Variants in MAML2 observed in about 807,000 individuals in gnomAD.
MAML2 encodes mastermind like transcriptional coactivator 2.
MAML2 carries 22 observed loss-of-function variants against 96.1 expected under a neutral mutation model. That is an observed-to-expected ratio of 0.23 (90% CI 0.16 to 0.33). MAML2 has a LOEUF of 0.33. Among genes scored for constraint, MAML2 ranks in the 10% least tolerant of loss-of-function variants. MAML2 has a pLI of 1.00. For synonymous variants in MAML2, 561 were observed against 521.3 expected, an observed-to-expected ratio of 1.08 and a Z score of -1.04; for missense variants, 1,367 against 1,392.4, an observed-to-expected ratio of 0.98 and a Z score of 0.29.
At chr11:96,318,124 C>G (rs755952185) in intron 1 of MAML2, among the ~76,000 whole-genome samples, 5 of 152,116 alleles carry the variant, frequency 3.3e-5, no homozygotes, top group Admixed American at 1.3e-4. Flanking sequence ...AGTCAGTACA[C>G]AGATGTGGTT....
intron 1 of MAML2, among the ~76,000 whole-genome samples, chr11:96,111,671 G>C (rs1376038122): frequency 6.6e-6 from 1 of 152,204 alleles, no homozygotes; most frequent in Non-Finnish European, 1.5e-5. Flanking sequence ...CTAGGTGCTT[G>C]ACAGTGACAT....
At chr11:96,044,220 G>A (rs997902519) in intron 2 of MAML2, among the ~76,000 whole-genome samples, 1 of 152,226 alleles carries the variant, frequency 6.6e-6, no homozygotes, top group African/African-American at 2.4e-5. Flanking sequence ...CAAGAGGGAG[G>A]CGTGCCTGGA....
intron 2 of MAML2, among the ~76,000 whole-genome samples, chr11:96,060,581 A>G (rs1859141647): frequency 6.6e-6 from 1 of 152,218 alleles, no homozygotes; most frequent in South Asian, 2.1e-4. Context: ...CTAAATGAAA[A>G]GACCTAATGA....
At chr11:95,999,019 C>T (rs1390658993) in intron 2 of MAML2, among the ~76,000 whole-genome samples, 5 of 152,098 alleles carry the variant, frequency 3.3e-5, no homozygotes, top group Non-Finnish European at 7.4e-5. Context: ...AATTACCTGT[C>T]CTCTGTGTTA....
intron 1 of MAML2, among the ~76,000 whole-genome samples, chr11:96,239,893 A>C (rs1383084033): frequency 1.3e-5 from 2 of 152,186 alleles, no homozygotes; most frequent in African/African-American, 2.4e-5. Context: ...ATGTCTTCTT[A>C]ACATTTCTGA....
At position 96,227,866 on chromosome 11, in the gene MAML2, C is replaced by A. The variant is rs1444208277; in HGVS notation, c.513+113517G>T. 2.0e-5 allele frequency among the ~76,000 whole-genome samples: 3 copies of A among 152,146 alleles called. No individual in the cohort carries two copies. The South Asian group carries it at 6.2e-4, about 32-fold the overall frequency. On this transcript the variant is annotated intron_variant, in intron 1 of 4. Transcript: ENST00000524717. ...CCCGTAATCCCAGCATTTTGGGAGG[C>A]CAAGGCAAGCAGATCGCTTCAGCCC...
intron 1 of MAML2, among the ~76,000 whole-genome samples, chr11:96,310,856 G>T (rs73531150): frequency 0.17 from 25,892 of 152,184 alleles, 2,634 homozygotes; most frequent in East Asian, 0.29. Context: ...GTGAATGCAT[G>T]GGACTCTTCT....
At chr11:96,150,255 A>G (rs1327156612) in intron 1 of MAML2, among the ~76,000 whole-genome samples, 1 of 152,246 alleles carries the variant, frequency 6.6e-6, no homozygotes, top group African/African-American at 2.4e-5. Context: ...GCTGAAAAAG[A>G]TAATCCCTGC....
chr11:96,103,572 A>G (rs1322843630), intron 1 of MAML2, among the ~76,000 whole-genome samples: 1 of 152,200 alleles, frequency 6.6e-6, no homozygotes, highest in Non-Finnish European at 1.5e-5. Context: ...GGGAAATAAT[A>G]TGAAACACAG....
At chr11:96,186,043 G>T (rs1861570714) in intron 1 of MAML2, among the ~76,000 whole-genome samples, 1 of 152,150 alleles carries the variant, frequency 6.6e-6, no homozygotes, top group Non-Finnish European at 1.5e-5. Context: ...ACACCTTACA[G>T]TTTGAGGACC....
At chr11:96,176,992 A>T (rs916616940) in intron 1 of MAML2, among the ~76,000 whole-genome samples, 1 of 152,244 alleles carries the variant, frequency 6.6e-6, no homozygotes, top group Non-Finnish European at 1.5e-5. Flanking sequence ...CCTTTGTAGG[A>T]CTTAGGGTCT....
intron 1 of MAML2, among the ~76,000 whole-genome samples, chr11:96,126,845 G>A (rs1438345868): frequency 1.3e-5 from 2 of 152,192 alleles, no homozygotes; most frequent in Admixed American, 1.3e-4. Flanking sequence ...GGATATAGTG[G>A]TGAACAACAC....
intron 1 of MAML2, among the ~76,000 whole-genome samples, chr11:96,197,144 G>T (rs1218115802): frequency 6.6e-6 from 1 of 152,116 alleles, no homozygotes; most frequent in East Asian, 1.9e-4. Context: ...TGCATGTGGT[G>T]TGGTAAAGAC....
intron 2 of MAML2, among the ~76,000 whole-genome samples, chr11:96,043,139 TA>T (rs1858843578): frequency 6.6e-6 from 1 of 152,228 alleles, no homozygotes; most frequent in Admixed American, 6.5e-5. Context: ...TTAGATCAGC[TA>T]AATTATTACT....
At chr11:96,146,833 T>C (rs758916896) in intron 1 of MAML2, among the ~76,000 whole-genome samples, 3 of 152,216 alleles carry the variant, frequency 2.0e-5, no homozygotes, top group Non-Finnish European at 1.5e-5. Flanking sequence ...TTACTTATTT[T>C]TGTTGAGATT....
At chr11:96,232,319 T>C (rs7109768) in intron 1 of MAML2, among the ~76,000 whole-genome samples, 20,886 of 152,206 alleles carry the variant, frequency 0.14, 1,688 homozygotes, top group African/African-American at 0.21. Context: ...GAGAAATTGT[T>C]TGGCATAAAC....
At chr11:96,207,023 C>T (rs541100744) in intron 1 of MAML2, among the ~76,000 whole-genome samples, 3 of 152,280 alleles carry the variant, frequency 2.0e-5, no homozygotes, top group East Asian at 3.9e-4. Flanking sequence ...AAATTTAAAC[C>T]ATAACATTCT....
chr11:96,289,365 C>T (rs953356648), intron 1 of MAML2, among the ~76,000 whole-genome samples: 1 of 152,148 alleles, frequency 6.6e-6, no homozygotes, highest in Non-Finnish European at 1.5e-5. Flanking sequence ...CTCTTATTGT[C>T]AAGGAACAGA....
intron 2 of MAML2, among the ~76,000 whole-genome samples, chr11:96,015,172 G>A (rs1487144255): frequency 6.6e-6 from 1 of 152,084 alleles, no homozygotes; most frequent in African/African-American, 2.4e-5. Flanking sequence ...CAAAACTAAG[G>A]CAGCCAGAGC....
Sources: gnomAD v4.1 joint callset for allele counts (sites outside exome capture counted in the v4.1 genomes callset) on GRCh38, gnomAD v4.1.1 for gene constraint, MANE v1.5 for transcripts, NCBI Gene and HGNC (gene_info 2026-07-23, HGNC 2026-07-21) for gene names.